The following UNC80 variants were observed in gnomAD, a reference collection of about 807,000 sequenced individuals.
UNC80 encodes protein unc-80 homolog.
A neutral mutation model predicts 384.6 loss-of-function variants in UNC80; 164 were observed. The observed-to-expected ratio is 0.43, with a 90% confidence interval of 0.38 to 0.49. The LOEUF is 0.49. Ranked by LOEUF, UNC80 falls within the 20% of genes least tolerant of loss-of-function variation. UNC80 has a pLI of 0.00. For synonymous variants in UNC80, 1,486 were observed against 1,527.8 expected (o/e 0.97, Z 0.64); for missense variants, 3,330 against 4,143.0 (o/e 0.80, Z 5.39).
chr2:209,792,858 A>G (rs2077909632), intron 6 of UNC80, among the ~76,000 whole-genome samples: 1 of 152,174 alleles, frequency 6.6e-6, no homozygotes, highest in Non-Finnish European at 1.5e-5. Context: ...CTTGAGACAT[A>G]ACTGTAAGCT....
chr2:209,918,038 C>A, intron 32 of UNC80, 80 bp downstream of exon 32: 1 of 1,319,756 alleles, frequency 7.6e-7, no homozygotes, highest in Non-Finnish European at 1.0e-6. Context: ...CTCAAAGTCA[C>A]AGTATGTGGC....
intron 46 of UNC80, among the ~76,000 whole-genome samples, 161 bp downstream of exon 46, chr2:209,945,350 CA>C (rs1022640011): frequency 3.3e-5 from 5 of 152,078 alleles, no homozygotes; most frequent in South Asian, 2.1e-4. Flanking sequence ...TGAATGAGTA[CA>C]TTTTTTTTCT....
At position 209,839,123 on chromosome 2, in the gene UNC80, A is replaced by C. The variant is rs1435202850; in HGVS notation, c.3042-99A>C. ...TTCAGCCCATCAAAGATCATTTTGC[A>C]TGATTTGCCTAAATATCATTGACAG... On this transcript the variant is annotated intron_variant, in intron 18 of 64. Coordinates refer to ENST00000673920, the MANE Select transcript of UNC80 (RefSeq NM_001371986.1). The surrounding 1 kb of genome is among the most constrained non-coding windows in gnomAD (Gnocchi z 4.1). The C allele has an allele frequency of 9.1e-7, 1 of 1,100,914 alleles. No individual in the cohort carries two copies. The highest frequency in any genetic ancestry group is 1.3e-6 in the Non-Finnish European group (1 of 770,688). The allele number at this position is 1,100,914 out of a possible 1,614,324, so 68.2% of individuals were successfully genotyped here.
chr2:209,819,372 G>A, intron 12 of UNC80, 111 bp downstream of exon 12: 1 of 1,096,162 alleles, frequency 9.1e-7, no homozygotes, highest in Non-Finnish European at 1.2e-6. Context: ...ATCAAACCTT[G>A]AAATGAAAAA....
chr2:209,878,763 C>T (rs2085005220), intron 24 of UNC80, among the ~76,000 whole-genome samples: 1 of 152,068 alleles, frequency 6.6e-6, no homozygotes, highest in East Asian at 1.9e-4. Context: ...TGTACCACTG[C>T]CTTTTATGGA....
intron 49 of UNC80, among the ~76,000 whole-genome samples, chr2:209,958,505 T>C (rs990315787): frequency 2.0e-5 from 3 of 152,186 alleles, no homozygotes; most frequent in East Asian, 3.8e-4. Context: ...TCATCATATA[T>C]ATTCATATTA....
In UNC80 at chr2:209,777,429, C is replaced by T; in HGVS notation, c.470C>T (p.Ser157Phe). 6.2e-7 allele frequency: 1 copy of T among 1,614,174 alleles called. No individual in the cohort carries two copies. The highest frequency in any genetic ancestry group is 8.5e-7 in the Non-Finnish European group (1 of 1,180,036). ...AFIHQVENQG[S>F]PGQPCQSSSN... ...ATCCACCAGGTTGAAAACCAGGGTTCTCCAGGGCAGCCTTGCCAAAGCAGC... is the reference window on the plus strand; with the variant it reads ...ATCCACCAGGTTGAAAACCAGGGTTTTCCAGGGCAGCCTTGCCAAAGCAGC... The change falls in exon 4 of 65, where the codon TCT becomes TTT. Residue 157 changes from serine to phenylalanine, a missense_variant. Around this residue, in one of 8 missense-constraint regions of UNC80, gnomAD observed 937 missense variants for 1,026.8 expected, o/e 0.91. Coordinates refer to ENST00000673920, the MANE Select transcript of UNC80 (RefSeq NM_001371986.1).
rs191660668 is a variant in UNC80, at chr2:209,840,828, A to G, written c.3357+180A>G. Among the ~76,000 whole-genome samples, 91 of 152,366 alleles carry G rather than the reference A, an allele frequency of 6.0e-4. 1 individual carries two copies. The highest frequency in any genetic ancestry group is 5.4e-3 in the East Asian group (28 of 5,190). ...AACTAAATTGTTTAAGTAGTAGGCT[A>G]TCATAGGAAGGGAAAAAGAAAAGTG... On this transcript the variant is annotated intron_variant, in intron 20 of 64. Transcript: ENST00000673920.
chr2:209,887,194 G>C (rs1046971868), intron 25 of UNC80, among the ~76,000 whole-genome samples: 1 of 151,822 alleles, frequency 6.6e-6, no homozygotes, highest in East Asian at 1.9e-4. Flanking sequence ...GCGCCACCTC[G>C]CCCGGCTAAT....
chr2:209,957,618 T>G, intron 48 of UNC80, 26 bp from the exon 49 acceptor site: 1 of 1,524,462 alleles, frequency 6.6e-7, no homozygotes, highest in Non-Finnish European at 8.9e-7. Context: ...GTTGTTTTGC[T>G]GTGGTGATTA....
intron 52 of UNC80, 89 bp from the exon 53 acceptor site, chr2:209,969,679 A>T: frequency 1.3e-6 from 2 of 1,497,388 alleles, no homozygotes; most frequent in Admixed American, 2.1e-5. Flanking sequence ...ATCCTGTCTT[A>T]GATGGCATCA....
intron 21 of UNC80, among the ~76,000 whole-genome samples, chr2:209,846,113 AT>A (rs1400535320): frequency 6.6e-6 from 1 of 152,106 alleles, no homozygotes; most frequent in East Asian, 1.9e-4. Flanking sequence ...TAATTACAGA[AT>A]TTCTTTGTTT....
Position 209,984,744 on chromosome 2 carries a change from A to G in UNC80, c.9258-112A>G, listed in dbSNP as rs529068192. The G allele has an allele frequency of 5.1e-6, 5 of 988,048 alleles. No individual in the cohort carries two copies. The East Asian group carries it at 8.0e-5, about 16-fold the overall frequency. 61.2% of individuals were successfully genotyped at this position (988,048 alleles called of 1,614,324 possible). On this transcript the variant is annotated intron_variant, in intron 60 of 64. Coordinates refer to ENST00000673920, the MANE Select transcript of UNC80 (RefSeq NM_001371986.1). ...CTCCTTTTCCTTCCTTGTTCGGTTA[A>G]ATCTATTTATTTTTGGTTCTTGGAA...
At chr2:209,995,194 A>G (rs1440292635) in intron 64 of UNC80, 135 bp from the exon 65 acceptor site, 1 of 1,154,132 alleles carries the variant, frequency 8.7e-7, no homozygotes. Flanking sequence ...GTAAGGTCCT[A>G]CCTATAACAA....
At chr2:209,978,185 T>G (rs2093060100) in intron 58 of UNC80, among the ~76,000 whole-genome samples, 1 of 152,206 alleles carries the variant, frequency 6.6e-6, no homozygotes, top group African/African-American at 2.4e-5. Context: ...TAGTAAAAAT[T>G]GCCAAGTTGG....
At chr2:209,936,503 C>T (rs1002676936) in intron 40 of UNC80, among the ~76,000 whole-genome samples, 1 of 152,156 alleles carries the variant, frequency 6.6e-6, no homozygotes, top group Non-Finnish European at 1.5e-5. Flanking sequence ...ATCACTCAGT[C>T]TGAATTATAA....
Position 209,921,505 on chromosome 2 carries a change from C to G in UNC80, c.5349C>G (p.Ser1783=), listed in dbSNP as rs879465857. Residue 1783 remains serine (S), a synonymous_variant, in exon 34 of 65, where the codon TCC becomes TCG. Transcript: ENST00000673920. ...QDPINEDQSK[S]FSARAVSRSH... ...TTGCCTTTATGTCTCCACAGAAATC[C>G]TTTTCAGCCCGGGCTGTGTCCCGCT... 6.5e-7 allele frequency: 1 copy of G among 1,536,688 alleles called. No individual in the cohort carries two copies. The highest frequency in any genetic ancestry group is 8.8e-7 in the Non-Finnish European group (1 of 1,139,652).
At chr2:209,855,842 A>G (rs1046555764) in intron 22 of UNC80, among the ~76,000 whole-genome samples, 1 of 152,110 alleles carries the variant, frequency 6.6e-6, no homozygotes, top group African/African-American at 2.4e-5. Flanking sequence ...TTACTCATGA[A>G]TGGTATTCAT....
At chr2:209,864,240 C>T (rs1266227338) in intron 22 of UNC80, among the ~76,000 whole-genome samples, 1 of 152,026 alleles carries the variant, frequency 6.6e-6, no homozygotes, top group Non-Finnish European at 1.5e-5. Flanking sequence ...GGACCTCTGA[C>T]CTCGAGGGGC....
Sources: allele counts gnomAD v4.1 joint callset (sites outside exome capture counted in the v4.1 genomes callset), GRCh38; gene constraint gnomAD v4.1.1; regional missense constraint gnomAD v4.1.1; non-coding constraint Gnocchi (gnomAD v3.1); transcripts MANE v1.5; gene names NCBI Gene and HGNC (gene_info 2026-07-23, HGNC 2026-07-21).